The following ADAMTS18 variants were observed in gnomAD, a reference collection of about 807,000 sequenced individuals.
ADAMTS18 encodes the protein A disintegrin and metalloproteinase with thrombospondin motifs 18.
ADAMTS18 carries 157 observed loss-of-function variants against 165.9 expected under a neutral mutation model. The ratio of observed to expected loss-of-function variants is 0.95; its 90% CI spans 0.83 to 1.08. The LOEUF is 1.08. Ranked by LOEUF, ADAMTS18 falls within the 50% of genes least tolerant of loss-of-function variation. The pLI is 0.00. For missense variants in ADAMTS18, 2,040 were observed against 1,534.0 expected (o/e 1.33, Z -5.51); for synonymous variants, 782 against 578.2 (o/e 1.35, Z -5.06).
intron 16 of ADAMTS18, among the ~76,000 whole-genome samples, chr16:77,314,649 G>GTGTGTGTGTGTGTGTGTATA (rs10527824): frequency 5.5e-5 from 7 of 126,476 alleles, no homozygotes; most frequent in African/African-American, 2.2e-4. Context: ...GTGTGTGTGT[G>GTGTGTGTGTGTGTGTGTATA]TATATATATA....
At chr16:77,377,951 C>G (rs2056976019) in intron 3 of ADAMTS18, among the ~76,000 whole-genome samples, 1 of 152,044 alleles carries the variant, frequency 6.6e-6, no homozygotes, top group South Asian at 2.1e-4. Flanking sequence ...AAAGAAACAT[C>G]AGAAAAATTA....
chr16:77,424,509 T>C (rs1004971310), intron 3 of ADAMTS18, among the ~76,000 whole-genome samples: 4 of 151,026 alleles, frequency 2.6e-5, no homozygotes, highest in Non-Finnish European at 5.9e-5. Flanking sequence ...CAGGAAGGAC[T>C]GGCCTTTCAG....
At chr16:77,316,900 C>G (rs1340110369) in intron 16 of ADAMTS18, among the ~76,000 whole-genome samples, 1 of 152,264 alleles carries the variant, frequency 6.6e-6, no homozygotes, top group East Asian at 1.9e-4. Flanking sequence ...CTCCTGGTCT[C>G]AAGCAATCCA....
intron 3 of ADAMTS18, among the ~76,000 whole-genome samples, chr16:77,401,159 G>A (rs560485469): frequency 6.6e-6 from 1 of 152,180 alleles, no homozygotes; most frequent in East Asian, 1.9e-4. Context: ...GGAGTCTGAG[G>A]CAGGAGAATT....
intron 14 of ADAMTS18, among the ~76,000 whole-genome samples, chr16:77,321,878 A>T (rs2144641666): frequency 6.6e-6 from 1 of 152,074 alleles, no homozygotes; most frequent in African/African-American, 2.4e-5. Flanking sequence ...GTGCTCGGCC[A>T]GGCGTGGTGG....
intron 11 of ADAMTS18, among the ~76,000 whole-genome samples, chr16:77,336,905 T>C (rs1025294774): frequency 5.9e-5 from 9 of 152,158 alleles, no homozygotes; most frequent in East Asian, 5.8e-4. Flanking sequence ...ATCCAAAGGG[T>C]TGGGGTTTGG....
chr16:77,334,979 T>C (rs1190075192), intron 12 of ADAMTS18, among the ~76,000 whole-genome samples: 1 of 143,570 alleles, frequency 7.0e-6, no homozygotes, highest in Non-Finnish European at 1.5e-5. Context: ...TATTATAGTA[T>C]ATAGTAGTAT....
chr16:77,328,528 C>G (rs1399646468), intron 12 of ADAMTS18, among the ~76,000 whole-genome samples: 1 of 152,128 alleles, frequency 6.6e-6, no homozygotes, highest in Non-Finnish European at 1.5e-5. Context: ...GATTTTTATG[C>G]TATTTTAAAA....
At chr16:77,334,558 T>C (rs1312711799) in intron 12 of ADAMTS18, among the ~76,000 whole-genome samples, 1 of 112,920 alleles carries the variant, frequency 8.9e-6, no homozygotes, top group Admixed American at 1.1e-4. Context: ...GTATATATTA[T>C]ATAGTAGTAT....
chr16:77,293,251 T>G lies in ADAMTS18; in HGVS notation c.3014A>C (p.Lys1005Thr). Residue 1005 changes from lysine (K) to threonine (T), a missense_variant, in exon 20 of 23, where the codon AAG becomes ACG. Transcript: ENST00000282849. ...WSLGPWSQCS[K>T]TCGRGVRKRE... ...CTTCCTCACCCCTCGTCCACAGGTCTTGGAACACTTGAGAAGACAAAAAAG... is the reference window on the plus strand; with the variant it reads ...CTTCCTCACCCCTCGTCCACAGGTCGTGGAACACTTGAGAAGACAAAAAAG... The G allele has an allele frequency of 6.2e-7, 1 of 1,613,808 alleles. No homozygotes were observed. The highest frequency in any genetic ancestry group is 8.5e-7 in the Non-Finnish European group (1 of 1,179,944).
chr16:77,337,999 G>C (rs1269660442), intron 11 of ADAMTS18, among the ~76,000 whole-genome samples: 3 of 151,112 alleles, frequency 2.0e-5, no homozygotes, highest in African/African-American at 7.3e-5. Context: ...CGCCTCCCAG[G>C]TTCAAGCGAT....
chr16:77,346,958 T>C (rs1244305429), intron 10 of ADAMTS18, among the ~76,000 whole-genome samples: 1 of 152,174 alleles, frequency 6.6e-6, no homozygotes, highest in African/African-American at 2.4e-5. Context: ...CCTGTCCCCT[T>C]TTGCAGTCAA....
At chr16:77,355,847 G>T in intron 9 of ADAMTS18, 93 bp downstream of exon 9, 1 of 1,445,016 alleles carries the variant, frequency 6.9e-7, no homozygotes, top group Non-Finnish European at 9.7e-7. Context: ...AGGTCAAAAG[G>T]TATTTCCACT....
At chr16:77,334,085 G>GC (rs1270001984) in intron 12 of ADAMTS18, among the ~76,000 whole-genome samples, 2 of 104,054 alleles carry the variant, frequency 1.9e-5, no homozygotes, top group African/African-American at 7.5e-5. Context: ...AATATACAGT[G>GC]TTATATATTA....
intron 3 of ADAMTS18, among the ~76,000 whole-genome samples, chr16:77,429,757 A>C (rs2057716200): frequency 6.6e-6 from 1 of 152,216 alleles, no homozygotes; most frequent in Admixed American, 6.5e-5. Context: ...AGTGCTAAAC[A>C]TGAGGAGGCT....
chr16:77,403,083 G>A (rs915914061), intron 3 of ADAMTS18, among the ~76,000 whole-genome samples: 6 of 152,158 alleles, frequency 3.9e-5, no homozygotes, highest in African/African-American at 1.4e-4. Flanking sequence ...TTGTGTTAAT[G>A]CAATTTCATA....
intron 3 of ADAMTS18, among the ~76,000 whole-genome samples, chr16:77,376,893 A>T (rs113233885): frequency 0.091 from 13,333 of 145,814 alleles, 775 homozygotes; most frequent in East Asian, 0.26. Context: ...CAGCTCACTG[A>T]AACCTCTATC....
intron 11 of ADAMTS18, among the ~76,000 whole-genome samples, chr16:77,339,425 T>A (rs2056364644): frequency 6.6e-6 from 1 of 152,118 alleles, no homozygotes; most frequent in Admixed American, 6.6e-5. Context: ...TTATCTCGTG[T>A]TCTGTTTACT....
intron 13 of ADAMTS18, among the ~76,000 whole-genome samples, chr16:77,325,140 A>G (rs1450474302): frequency 6.6e-6 from 1 of 152,180 alleles, no homozygotes; most frequent in African/African-American, 2.4e-5. Context: ...TCCATTCTAC[A>G]CATGGGCAGT....
Sources: gnomAD v4.1 joint callset for allele counts (sites outside exome capture counted in the v4.1 genomes callset) on GRCh38, gnomAD v4.1.1 for gene constraint, MANE v1.5 for transcripts, NCBI Gene and HGNC (gene_info 2026-07-23, HGNC 2026-07-21) for gene names.